TLL2: variants seen among roughly 807,000 people sequenced by gnomAD.
TLL2 encodes the protein tolloid-like protein 2.
In TLL2, 106 loss-of-function variants were observed where a neutral mutation model predicts 123.0. That is an observed-to-expected ratio of 0.86 (90% CI 0.74 to 1.01). The LOEUF is 1.01. Ranked by LOEUF, TLL2 falls within the 50% of genes least tolerant of loss-of-function variation. The pLI, the probability that TLL2 is intolerant of heterozygous loss-of-function variation, is 0.00. For synonymous variants in TLL2, 494 were observed against 516.8 expected, an observed-to-expected ratio of 0.96 and a Z score of 0.60; for missense variants, 1,332 against 1,336.7, an observed-to-expected ratio of 1.00 and a Z score of 0.06.
chr10:96,421,979 C>T (rs761543428), intron 6 of TLL2, among the ~76,000 whole-genome samples: 3 of 152,202 alleles, frequency 2.0e-5, no homozygotes, highest in Non-Finnish European at 4.4e-5. Context: ...GTAAGGCAAT[C>T]ATATTCTTCA....
intron 2 of TLL2, among the ~76,000 whole-genome samples, chr10:96,464,346 T>C (rs1040046743): frequency 3.9e-5 from 6 of 151,910 alleles, no homozygotes; most frequent in African/African-American, 1.5e-4. Flanking sequence ...ATTGTGCCAC[T>C]GCACTCCAGT....
chr10:96,476,616 T>C (rs1352709904), intron 2 of TLL2, among the ~76,000 whole-genome samples: 1 of 146,812 alleles, frequency 6.8e-6, no homozygotes, highest in African/African-American at 2.6e-5. Flanking sequence ...AAGTTATTTA[T>C]AGAAACATTG....
intron 13 of TLL2, among the ~76,000 whole-genome samples, chr10:96,391,743 G>C (rs894485726): frequency 6.6e-6 from 1 of 152,234 alleles, no homozygotes; most frequent in Non-Finnish European, 1.5e-5. Flanking sequence ...TGAGGTTTCT[G>C]TTAATCCTGA....
intron 10 of TLL2, among the ~76,000 whole-genome samples, chr10:96,402,551 A>T (rs1383584525): frequency 6.6e-6 from 1 of 152,176 alleles, no homozygotes; most frequent in Non-Finnish European, 1.5e-5. Context: ...TCTGGCTGCT[A>T]GAGAGCGCCA....
intron 17 of TLL2, among the ~76,000 whole-genome samples, chr10:96,377,706 C>CG (rs1846150698): frequency 6.6e-6 from 1 of 152,136 alleles, no homozygotes; most frequent in South Asian, 2.1e-4. Flanking sequence ...TGAGGAGGGC[C>CG]GGGGGCAGGA....
chr10:96,475,279 G>A (rs1000059509), intron 2 of TLL2, among the ~76,000 whole-genome samples: 10 of 152,190 alleles, frequency 6.6e-5, no homozygotes, highest in Non-Finnish European at 1.3e-4. Flanking sequence ...AGCTGTCAGT[G>A]GCTTTTTGTG....
In TLL2 at chr10:96,373,596, C is replaced by CTG; in HGVS notation, c.2660_2661dup (p.Glu888GlnfsTer7). 6.2e-7 allele frequency: 1 copy of CTG among 1,613,872 alleles called. No homozygotes were observed. Among genetic ancestry groups the CTG allele is most frequent in the East Asian group, 2.2e-5 (1 of 44,884 alleles). ...GAAGCCAGTGTCCCACCCCAGGTACCTGTGCTGTGCACTGCCTGGAAGCCT... is the reference window on the plus strand; with the variant it reads ...GAAGCCAGTGTCCCACCCCAGGTACCTGTGTGCTGTGCACTGCCTGGAAGCCT... On this transcript the variant is annotated frameshift_variant and splice_region_variant, in exon 19 of 21. Coordinates refer to ENST00000357947, the MANE Select transcript of TLL2 (RefSeq NM_012465.4). LOFTEE classifies it high-confidence loss of function.
chr10:96,476,241 T>TATATATATATATATATATATATTC lies in TLL2; in HGVS notation c.286+4107_286+4108insGAATATATATATATATATATATAT, dbSNP rs1554939631. Among the ~76,000 whole-genome samples the TATATATATATATATATATATATTC allele has an allele frequency of 8.2e-4, 59 of 72,162 alleles. 2 individuals carry two copies. Among genetic ancestry groups the TATATATATATATATATATATATTC allele is most frequent in the African/African-American group, 1.2e-3 (23 of 19,330 alleles). The allele number at this position is 72,162 out of a possible 152,430, so 47.3% of individuals were successfully genotyped here. A position where few individuals can be genotyped will look rare whatever the true frequency, so the allele number is the denominator to read the frequency against. On this transcript the variant is annotated intron_variant, in intron 2 of 20. Coordinates refer to ENST00000357947, the MANE Select transcript of TLL2 (RefSeq NM_012465.4). ...TTATATGTATATATATATATATATA[T>TATATATATATATATATATATATTC]TTTATTTTTGTTGTTGTTGTTGTTG... is the stretch of plus-strand genomic sequence containing the variant.
intron 7 of TLL2, among the ~76,000 whole-genome samples, chr10:96,420,382 A>G (rs1846607282): frequency 6.6e-6 from 1 of 152,250 alleles, no homozygotes; most frequent in South Asian, 2.1e-4. Flanking sequence ...CCAGCCATAA[A>G]TAAACGGCCC....
rs41291624 is a variant in TLL2 at position 96,368,052 on chromosome 10, A to G, written c.*36T>C. ...TTGTTAAAAACAAAACAAAACAAAA[A>G]AAATTCTCAGTTTCTGTCTTTCAAG... On this transcript the variant is annotated 3_prime_UTR_variant, in exon 21 of 21. Transcript: ENST00000357947. The G allele has an allele frequency of 1.2e-6, 2 of 1,609,022 alleles. No individual in the cohort carries two copies. The highest frequency in any genetic ancestry group is 1.7e-6 in the Non-Finnish European group (2 of 1,176,746).
chr10:96,368,546 G>T (rs1003268798), intron 20 of TLL2, among the ~76,000 whole-genome samples: 1 of 152,152 alleles, frequency 6.6e-6, no homozygotes, highest in African/African-American at 2.4e-5. Context: ...TATAAGGCAG[G>T]TACTATCCCC....
At chr10:96,416,711 C>G (rs139414702) in intron 7 of TLL2, among the ~76,000 whole-genome samples, 1 of 152,244 alleles carries the variant, frequency 6.6e-6, no homozygotes, top group African/African-American at 2.4e-5. Flanking sequence ...TGGTGCTGGA[C>G]GTCCTCCCTT....
intron 1 of TLL2, among the ~76,000 whole-genome samples, chr10:96,499,141 C>G (rs1401528038): frequency 6.6e-6 from 1 of 152,208 alleles, no homozygotes; most frequent in Non-Finnish European, 1.5e-5. Flanking sequence ...ATTGCTCTTC[C>G]TGGTTCCAGT....
At chr10:96,481,221 A>T (rs901295472) in intron 1 of TLL2, among the ~76,000 whole-genome samples, 8 of 151,860 alleles carry the variant, frequency 5.3e-5, no homozygotes, top group African/African-American at 1.9e-4. Flanking sequence ...ATCATAGCTT[A>T]CTGCAACCTT....
rs1846010752 is a variant in TLL2, at chr10:96,365,100, T to C, written c.*2988A>G. 6.6e-6 allele frequency: 1 copy of C among 151,676 alleles called. No homozygotes were observed. Among genetic ancestry groups the C allele is most frequent in the Non-Finnish European group, 1.5e-5 (1 of 67,960 alleles). The allele number at this position is 151,676 out of a possible 1,614,324, so 9.4% of individuals were successfully genotyped here. On this transcript the variant is annotated 3_prime_UTR_variant, in exon 21 of 21. Coordinates refer to ENST00000357947, the MANE Select transcript of TLL2 (RefSeq NM_012465.4). Reference sequence around the variant, plus strand: ...ACACATAAAATACACTAACGATAGCTGACGAGAAAAAAAAAAATCACAGAA... The same window carrying C: ...ACACATAAAATACACTAACGATAGCCGACGAGAAAAAAAAAAATCACAGAA...
chr10:96,432,656 G>A (rs1846755608), intron 4 of TLL2, 151 bp downstream of exon 4: 2 of 987,874 alleles, frequency 2.0e-6, no homozygotes. Context: ...GGTGGGCCAG[G>A]ACTTGCCGGC....
chr10:96,393,965 T>C (rs909651470), intron 13 of TLL2, among the ~76,000 whole-genome samples: 7 of 152,210 alleles, frequency 4.6e-5, no homozygotes, highest in African/African-American at 1.2e-4. Context: ...AATGGGCAGA[T>C]GTCCTTCTTC....
At chr10:96,430,797 G>A (rs1162630716) in intron 4 of TLL2, among the ~76,000 whole-genome samples, 2 of 152,128 alleles carry the variant, frequency 1.3e-5, no homozygotes, top group African/African-American at 4.8e-5. Context: ...TGGGAGGATC[G>A]CTTGAGCCTG....
chr10:96,483,178 T>G (rs1054063814), intron 1 of TLL2, among the ~76,000 whole-genome samples: 4 of 152,166 alleles, frequency 2.6e-5, no homozygotes, highest in Admixed American at 2.6e-4. Context: ...GCCTCCATCC[T>G]TGTATGGGAA....
Sources: allele counts gnomAD v4.1 joint callset (sites outside exome capture counted in the v4.1 genomes callset), GRCh38; gene constraint gnomAD v4.1.1; transcripts MANE v1.5; gene names NCBI Gene and HGNC (gene_info 2026-07-23, HGNC 2026-07-21).